Variants in ETV5 observed in about 807,000 individuals in gnomAD.
ETV5 encodes the protein ETS variant transcription factor 5, also known as ETS translocation variant 5.
A neutral mutation model predicts 70.0 loss-of-function variants in ETV5; 10 were observed. The observed-to-expected ratio is 0.14, with a 90% CI of 0.09 to 0.24. The LOEUF (loss-of-function observed/expected upper bound fraction) is 0.24. Among genes scored for constraint, ETV5 ranks in the 10% least tolerant of loss-of-function variants. The pLI, the probability that ETV5 is intolerant of heterozygous loss-of-function variation, is 1.00. For synonymous variants in ETV5, 216 were observed against 242.2 expected (o/e 0.89, Z 1.01); for missense variants, 453 against 651.2 (o/e 0.70, Z 3.31).
At position 186,109,064 on chromosome 3, in the gene ETV5, G is replaced by C. The variant is rs1024494861; in HGVS notation, c.-199C>G. ...CGAACCGCTCCGAAGACGGTGAACC[G>C]CTCCGCGCACCAGCGGCTGGACTCT... On this transcript the variant is annotated 5_prime_UTR_variant, in exon 1 of 13. Coordinates refer to ENST00000306376, the MANE Select transcript of ETV5 (RefSeq NM_004454.3). The C allele has an allele frequency of 3.9e-5, 6 of 152,262 alleles. No homozygotes were observed. The highest frequency in any genetic ancestry group is 7.3e-5 in the Non-Finnish European group (5 of 68,086). 9.4% of individuals were successfully genotyped at this position (152,262 alleles called of 1,614,324 possible).
chr3:186,108,262 C>T (rs1714644311), intron 1 of ETV5, among the ~76,000 whole-genome samples: 2 of 151,950 alleles, frequency 1.3e-5, no homozygotes, highest in African/African-American at 4.8e-5. Flanking sequence ...GCTGTCCCCT[C>T]CACACCCGTG....
At chr3:186,103,677 T>A (rs542187299) in intron 5 of ETV5, among the ~76,000 whole-genome samples, 13 of 141,578 alleles carry the variant, frequency 9.2e-5, no homozygotes, top group Middle Eastern at 7.5e-3. Context: ...ACACTTGGAT[T>A]ATCTTTATTT....
At chr3:186,069,102 T>A (rs1713524831) in intron 7 of ETV5, among the ~76,000 whole-genome samples, 2 of 152,178 alleles carry the variant, frequency 1.3e-5, no homozygotes, top group Middle Eastern at 3.4e-3. Context: ...ACTGAAGAGA[T>A]CTGTGTACAG....
chr3:186,080,815 T>C, intron 6 of ETV5: 1 of 358,504 alleles, frequency 2.8e-6, no homozygotes, highest in South Asian at 5.5e-5. Context: ...GGGTACCCTA[T>C]GAACTTAGTG....
intron 1 of ETV5, chr3:186,106,797 G>A (rs1245796174): frequency 4.1e-6 from 1 of 241,070 alleles, no homozygotes; most frequent in African/African-American, 2.3e-5. Flanking sequence ...TGGGGAAAAA[G>A]GGTGGGGTTA....
intron 11 of ETV5, among the ~76,000 whole-genome samples, chr3:186,055,648 TCTC>T (rs771265902): frequency 6.6e-6 from 1 of 152,212 alleles, no homozygotes. Flanking sequence ...TCTGCCTTCT[TCTC>T]CTATCAATCA....
chr3:186,094,533 AT>A (rs1170295141), intron 5 of ETV5, among the ~76,000 whole-genome samples: 1 of 152,144 alleles, frequency 6.6e-6, no homozygotes, highest in Non-Finnish European at 1.5e-5. Flanking sequence ...AACAGCTTGG[AT>A]TTGTACAGTT....
At chr3:186,049,088 A>G (rs1712956771) in intron 12 of ETV5, among the ~76,000 whole-genome samples, 1 of 152,170 alleles carries the variant, frequency 6.6e-6, no homozygotes, top group African/African-American at 2.4e-5. Flanking sequence ...TTCACACTAG[A>G]TGGACTCTTA....
intron 1 of ETV5, 175 bp downstream of exon 1, chr3:186,108,765 A>C (rs1289412134): frequency 1.1e-3 from 665 of 610,726 alleles, no homozygotes; most frequent in Middle Eastern, 1.4e-3. Flanking sequence ...CAGGAACCAA[A>C]CCGGACCGGG....
chr3:186,094,346 C>A (rs982580091), intron 5 of ETV5, among the ~76,000 whole-genome samples: 1 of 152,104 alleles, frequency 6.6e-6, no homozygotes, highest in Non-Finnish European at 1.5e-5. Context: ...ATCTTATTCT[C>A]GGGACAAAAT....
intron 5 of ETV5, among the ~76,000 whole-genome samples, chr3:186,098,218 A>G (rs1714358899): frequency 6.6e-6 from 1 of 152,240 alleles, no homozygotes; most frequent in Non-Finnish European, 1.5e-5. Flanking sequence ...AAGGCAAAAG[A>G]AAAACTATCA....
chr3:186,104,478 A>G (rs958885222), intron 5 of ETV5, among the ~76,000 whole-genome samples: 1 of 152,172 alleles, frequency 6.6e-6, no homozygotes, highest in African/African-American at 2.4e-5. Flanking sequence ...CCACTCTGTG[A>G]CCACCCCTTG....
At chr3:186,051,051 G>A (rs576780416) in intron 12 of ETV5, among the ~76,000 whole-genome samples, 15 of 152,348 alleles carry the variant, frequency 9.8e-5, no homozygotes, top group Middle Eastern at 3.4e-3. Context: ...AAGTTTGAGT[G>A]AAGAAACGAG....
At chr3:186,048,926 G>T in intron 12 of ETV5, 66 bp from the exon 13 acceptor site, 2 of 1,336,914 alleles carry the variant, frequency 1.5e-6, no homozygotes, top group African/African-American at 1.4e-5. Context: ...GGAAGAGAAC[G>T]AGGTATTCCT....
Position 186,105,975 on chromosome 3 carries a change from AG to A in ETV5, c.-74-34del. On this transcript the variant is annotated intron_variant, in intron 1 of 12. Coordinates refer to ENST00000306376, the MANE Select transcript of ETV5 (RefSeq NM_004454.3). The surrounding 1 kb of genome is among the most constrained non-coding windows in gnomAD (Gnocchi z 4.5). ...ATGAATTTGGGAGATTTTAACTAAG[AG>A]GGGGGAAAAAAAGAAATGAAACAAT... 2.1e-6 allele frequency: 3 copies of A among 1,437,024 alleles called. No individual in the cohort carries two copies. The highest frequency in any genetic ancestry group is 1.3e-5 in the South Asian group (1 of 79,310). The allele number at this position is 1,437,024 out of a possible 1,614,324, so 89.0% of individuals were successfully genotyped here.
chr3:186,108,625 T>A (rs1714656054), intron 1 of ETV5: 1 of 1,171,954 alleles, frequency 8.5e-7, no homozygotes, highest in South Asian at 1.5e-5. Context: ...TGTGAAAGCC[T>A]CGCAACTCCG....
chr3:186,081,086 G>A lies in ETV5; in HGVS notation c.322C>T (p.Leu108Phe), dbSNP rs1249712516. 1 of 1,613,632 alleles carries A rather than the reference G, an allele frequency of 6.2e-7. No individual in the cohort carries two copies. Among genetic ancestry groups the A allele is most frequent in the African/African-American group, 1.3e-5 (1 of 74,900 alleles). The part of the protein sequence containing the change: ...ELSSCSHEQA[L>F]GANYGEKCLY... Reference sequence around the variant, plus strand: ...CACTTTTCTCCATAGTTAGCACCAAGAGCCTGCTCATGGCTACAAGACGAC... The same window carrying A: ...CACTTTTCTCCATAGTTAGCACCAAAAGCCTGCTCATGGCTACAAGACGAC... The change falls in exon 6 of 13, where the codon CTT (leucine) becomes TTT (phenylalanine). Residue 108 changes from leucine to phenylalanine, a missense_variant. By Grantham distance (22) the Leu-to-Phe change is conservative. Transcript: ENST00000306376.
intron 9 of ETV5, among the ~76,000 whole-genome samples, chr3:186,062,147 C>G (rs541970974): frequency 6.6e-6 from 1 of 152,302 alleles, no homozygotes; most frequent in East Asian, 1.9e-4. Context: ...CATCCCCATG[C>G]AATGAGTACT....
rs1337587637 is a variant in ETV5, at chr3:186,052,137, G to A, written c.1210-6C>T. 1 of 1,613,380 alleles carries A rather than the reference G, an allele frequency of 6.2e-7. No individual in the cohort carries two copies. Among genetic ancestry groups the A allele is most frequent in the Non-Finnish European group, 8.5e-7 (1 of 1,179,592 alleles). Reference sequence around the variant, plus strand: ...ATGCCCCAGCGCCGAGCAACCTGAAGAGACAGGAAAGTGAAGAGCAATGGA... The same window carrying A: ...ATGCCCCAGCGCCGAGCAACCTGAAAAGACAGGAAAGTGAAGAGCAATGGA... On this transcript the variant is annotated splice_region_variant and splice_polypyrimidine_tract_variant and intron_variant, in intron 11 of 12. Transcript: ENST00000306376. The surrounding 1 kb of genome is among the most constrained non-coding windows in gnomAD (Gnocchi z 4.5).
Sources: gnomAD v4.1 joint callset for allele counts (sites outside exome capture counted in the v4.1 genomes callset) on GRCh38, gnomAD v4.1.1 for gene constraint, Gnocchi (gnomAD v3.1) non-coding constraint, MANE v1.5 for transcripts, NCBI Gene and HGNC (gene_info 2026-07-23, HGNC 2026-07-21) for gene names.